SMPX: variants seen among roughly 807,000 people sequenced by gnomAD.
SMPX encodes the protein small muscle protein X-linked.
SMPX carries 2 observed loss-of-function variants against 6.3 expected under a neutral mutation model. That is an observed-to-expected ratio of 0.32 (90% confidence interval 0.13 to 0.99). The LOEUF (loss-of-function observed/expected upper bound fraction) is 0.99, where lower values mean the gene tolerates loss of function less well. SMPX is among the 50% of genes least tolerant of loss of function. The probability of loss-of-function intolerance (pLI) is 0.49; values close to 1 mark genes in which losing one functional copy is unlikely to be tolerated. For synonymous variants in SMPX, 32 were observed against 24.7 expected (o/e 1.30, Z -0.88); for missense variants, 60 against 66.8 (o/e 0.90, Z 0.36).
intron 4 of SMPX, among the ~76,000 whole-genome samples, chrX:21,736,643 G>C (rs2092810767): frequency 8.9e-6 from 1 of 112,005 alleles, no homozygotes. Flanking sequence ...GAATGAATGG[G>C]TGAGTGACCA....
chrX:21,715,304 G>GCA (rs2092783483), intron 4 of SMPX, among the ~76,000 whole-genome samples: 2 of 84,192 alleles, frequency 2.4e-5, no homozygotes, highest in Non-Finnish European at 4.3e-5. Flanking sequence ...GTGTGTGTGT[G>GCA]CGCGCACGCG....
chrX:21,715,006 T>C (rs967595603), intron 4 of SMPX, among the ~76,000 whole-genome samples: 2 of 111,888 alleles, frequency 1.8e-5, no homozygotes. Flanking sequence ...ATGATTTTGA[T>C]GGCTCTTCTT....
At chrX:21,729,520 C>G (rs1434911924) in intron 4 of SMPX, among the ~76,000 whole-genome samples, 2 of 111,526 alleles carry the variant, frequency 1.8e-5, no homozygotes, top group African/African-American at 6.5e-5. Flanking sequence ...AGGAAAAATC[C>G]ACACCCTCCC....
At chrX:21,719,669 C>A (rs1395066414) in intron 4 of SMPX, among the ~76,000 whole-genome samples, 1 of 112,037 alleles carries the variant, frequency 8.9e-6, no homozygotes, top group African/African-American at 3.2e-5. Flanking sequence ...TTTTAGTTCA[C>A]TTCTGGATTT....
intron 4 of SMPX, among the ~76,000 whole-genome samples, chrX:21,709,285 A>G (rs1196091050): frequency 4.5e-5 from 5 of 111,441 alleles, no homozygotes. Context: ...TGCTCCTGTA[A>G]TGACAAGAGC....
At chrX:21,721,951 C>T (rs998569252) in intron 4 of SMPX, among the ~76,000 whole-genome samples, 2 of 110,944 alleles carry the variant, frequency 1.8e-5, no homozygotes, top group African/African-American at 6.6e-5. Context: ...CTTTTGAACT[C>T]AGGAGTTTGA....
intron 1 of SMPX, among the ~76,000 whole-genome samples, chrX:21,757,390 C>G (rs1290660255): frequency 9.0e-6 from 1 of 111,414 alleles, no homozygotes; most frequent in African/African-American, 3.3e-5. Context: ...CTCTACCCTG[C>G]TGAGTATGGG....
intron 4 of SMPX, among the ~76,000 whole-genome samples, chrX:21,732,442 T>C (rs964835272): frequency 8.9e-6 from 1 of 111,869 alleles, no homozygotes; most frequent in Non-Finnish European, 1.9e-5. Flanking sequence ...TATGGACCTT[T>C]TGAGAGAAGC....
chrX:21,710,102 G>A (rs2092776918), intron 4 of SMPX, among the ~76,000 whole-genome samples: 2 of 111,869 alleles, frequency 1.8e-5, no homozygotes, highest in South Asian at 7.5e-4. Context: ...GTCATAAGAT[G>A]TCCTTCACGA....
intron 1 of SMPX, among the ~76,000 whole-genome samples, chrX:21,756,769 C>G (rs2092833433): frequency 8.9e-6 from 1 of 112,852 alleles, no homozygotes. Flanking sequence ...CCACCAGGGC[C>G]ACTGCTTTTC....
chrX:21,730,405 A>T (rs2092801960), intron 4 of SMPX, among the ~76,000 whole-genome samples: 1 of 112,440 alleles, frequency 8.9e-6, no homozygotes, highest in Non-Finnish European at 1.9e-5. Context: ...AAGATACAAA[A>T]CTATACAAGT....
At chrX:21,713,849 C>G (rs1189414381) in intron 4 of SMPX, among the ~76,000 whole-genome samples, 1 of 112,243 alleles carries the variant, frequency 8.9e-6, no homozygotes, top group African/African-American at 3.2e-5. Flanking sequence ...GTTTACTTAA[C>G]AAATATTCAT....
rs1439925695 is a variant in SMPX, at chrX:21,744,167, G to C, written c.46-331C>G. ...GGTGCATATTATTTTTCTCTCTCTGGGATAAGGAGGGAACACATAATGACA... is the reference window on the plus strand; with the variant it reads ...GGTGCATATTATTTTTCTCTCTCTGCGATAAGGAGGGAACACATAATGACA... On this transcript the variant is annotated intron_variant, in intron 2 of 4. Coordinates refer to ENST00000379494, the MANE Select transcript of SMPX (RefSeq NM_014332.3). Among the ~76,000 whole-genome samples, 7 of 111,447 alleles carry C rather than the reference G, an allele frequency of 6.3e-5. No homozygotes were observed. In the East Asian group the frequency reaches 2.0e-3, roughly 31 times the overall value.
At chrX:21,716,476 A>G (rs1056722267) in intron 4 of SMPX, among the ~76,000 whole-genome samples, 4 of 112,120 alleles carry the variant, frequency 3.6e-5, no homozygotes, top group African/African-American at 1.3e-4. Flanking sequence ...CGTGAACCCC[A>G]GTGTTCCTAA....
At chrX:21,754,410 G>T in intron 1 of SMPX, 108 bp from the exon 2 acceptor site, 3 of 630,043 alleles carry the variant, frequency 4.8e-6, no homozygotes, top group Non-Finnish European at 8.1e-6. Context: ...CCTTTCACTG[G>T]CCATATATTC....
At chrX:21,720,375 G>A (rs2147376408) in intron 4 of SMPX, among the ~76,000 whole-genome samples, 1 of 112,280 alleles carries the variant, frequency 8.9e-6, no homozygotes, top group South Asian at 3.7e-4. Context: ...AGCCATCCTG[G>A]AAGTAGATCC....
chrX:21,757,418 G>A (rs1031492174), intron 1 of SMPX, among the ~76,000 whole-genome samples: 5 of 111,766 alleles, frequency 4.5e-5, no homozygotes, highest in African/African-American at 1.3e-4. Flanking sequence ...TGACCAAAGT[G>A]AAGATTTAAA....
intron 3 of SMPX, among the ~76,000 whole-genome samples, chrX:21,743,371 G>C (rs1475294148): frequency 9.0e-6 from 1 of 110,902 alleles, no homozygotes; most frequent in Admixed American, 9.7e-5. Context: ...ACTACTGCTA[G>C]ACGAAAAACT....
intron 4 of SMPX, among the ~76,000 whole-genome samples, chrX:21,707,971 G>A (rs1409242096): frequency 8.9e-6 from 1 of 112,511 alleles, no homozygotes; most frequent in Non-Finnish European, 1.9e-5. Context: ...ATTGAATTTG[G>A]GGTGTGATTT....
Sources: gnomAD v4.1 joint callset for allele counts (sites outside exome capture counted in the v4.1 genomes callset) on GRCh38, gnomAD v4.1.1 for gene constraint, MANE v1.5 for transcripts, NCBI Gene and HGNC (gene_info 2026-07-23, HGNC 2026-07-21) for gene names.